Variants in SLA observed in about 807,000 individuals in gnomAD.
SLA encodes the protein Src like adaptor, also known as src-like-adapter.
SLA carries 16 observed loss-of-function variants against 30.3 expected under a neutral mutation model. The ratio of observed to expected loss-of-function variants is 0.53; its 90% CI spans 0.36 to 0.80. The LOEUF is 0.80. Ranked by LOEUF, SLA falls within the 30% of genes least tolerant of loss-of-function variation. The pLI, the probability that SLA is intolerant of heterozygous loss-of-function variation, is 0.01. For missense variants in SLA, 310 were observed against 345.2 expected, an observed-to-expected ratio of 0.90 and a Z score of 0.81; for synonymous variants, 143 against 137.8, an observed-to-expected ratio of 1.04 and a Z score of -0.26.
At chr8:133,094,430 T>C (rs989415046) in intron 1 of SLA, among the ~76,000 whole-genome samples, 4 of 151,954 alleles carry the variant, frequency 2.6e-5, no homozygotes, top group Admixed American at 6.6e-5. Flanking sequence ...TTAGTAGAGA[T>C]GGGGTTTCAC....
chr8:133,064,307 A>G (rs979560917), intron 2 of SLA: 3 of 152,236 alleles, frequency 2.0e-5, no homozygotes, highest in Non-Finnish European at 4.4e-5. Flanking sequence ...CGTTTTTCAA[A>G]TGAAGTCCTA....
chr8:133,101,739 C>A (rs1461316046), intron 1 of SLA, among the ~76,000 whole-genome samples: 12 of 152,244 alleles, frequency 7.9e-5, no homozygotes, highest in Non-Finnish European at 1.8e-4. Context: ...ACAAGGCAAA[C>A]AACTGAAACA....
rs538656738 is a variant in SLA, at chr8:133,038,287, C to T, written c.*237G>A. 3.3e-4 allele frequency: 187 copies of T among 560,614 alleles called. 4 individuals are homozygous for T. The South Asian group carries it at 3.4e-3, about 10-fold the overall frequency. 34.7% of individuals were successfully genotyped at this position (560,614 alleles called of 1,614,324 possible). ...ATGCTGGGCTCTTCCAAGCATCGCC[C>T]GACATGTCATGATCCAATGTTTCGT... On this transcript the variant is annotated 3_prime_UTR_variant, in exon 9 of 9. Transcript: ENST00000338087.
rs747745496 is a variant in SLA at position 133,096,365 on chromosome 8, G to C, written c.-319+6188C>G. 4 of 1,614,146 alleles carry C rather than the reference G, an allele frequency of 2.5e-6. No individual in the cohort carries two copies. The highest frequency in any genetic ancestry group is 3.4e-6 in the Non-Finnish European group (4 of 1,180,030). The stretch of plus-strand genomic sequence containing the variant: ...CGACGGGCTCATCAACAGAGCAAAG[G>C]CTGTGAAGGTAAGCAGGGAGGGGGC... On this transcript the variant is annotated intron_variant, in intron 1 of 8. Transcript: ENST00000338087.
chr8:133,043,421 G>A (rs1838700986), intron 7 of SLA, among the ~76,000 whole-genome samples: 1 of 152,156 alleles, frequency 6.6e-6, no homozygotes, highest in Non-Finnish European at 1.5e-5. Flanking sequence ...CTGTTTCCAG[G>A]ACTCCCTTCC....
intron 5 of SLA, 72 bp from the exon 6 acceptor site, chr8:133,048,005 C>A (rs909513918): frequency 1.2e-6 from 1 of 856,496 alleles, no homozygotes; most frequent in Non-Finnish European, 1.9e-6. Flanking sequence ...ATGCGCCACC[C>A]ACCGTACTAA....
rs376663317 is a variant in SLA, at chr8:133,085,596, T to C, written c.-318-10466A>G. Reference sequence around the variant, plus strand: ...AGATGTACAAATGGGCCCATAAGCATAGCAAAAGATTCTTAACACTATTAG... The same window carrying C: ...AGATGTACAAATGGGCCCATAAGCACAGCAAAAGATTCTTAACACTATTAG... On this transcript the variant is annotated intron_variant, in intron 1 of 8. Coordinates refer to ENST00000338087, the MANE Select transcript of SLA (RefSeq NM_001045556.3). Among the ~76,000 whole-genome samples the C allele has an allele frequency of 1.4e-4, 22 of 152,272 alleles. 1 individual carries two copies. Among genetic ancestry groups the C allele is most frequent in the African/African-American group, 5.3e-4 (22 of 41,562 alleles).
At chr8:133,060,472 T>G in intron 2 of SLA, 12 of 1,041,448 alleles carry the variant, frequency 1.2e-5, no homozygotes, top group African/African-American at 1.6e-5. Context: ...GCACCCTTGC[T>G]GAGGATGGTA....
chr8:133,060,658 G>T (rs1246403070), intron 2 of SLA, among the ~76,000 whole-genome samples: 1 of 152,196 alleles, frequency 6.6e-6, no homozygotes, highest in Non-Finnish European at 1.5e-5. Context: ...GCTACTTTTT[G>T]TCATCCTTTT....
rs1839046117 is a variant in SLA at position 133,045,018 on chromosome 8, G to A, written c.450C>T (p.Phe150=). 2 of 1,614,046 alleles carry A rather than the reference G, an allele frequency of 1.2e-6. No homozygotes were observed. The highest frequency in any genetic ancestry group is 2.7e-5 in the African/African-American group (2 of 74,944). ...GGTTCACCAGGTCCTCCAGGCACTG[G>A]AAGGTGAGCCTCGGGGAAATGTAGT... ...NWYYISPRLT[F]QCLEDLVNHY... is the part of the protein sequence containing the mutation. Residue 150 remains phenylalanine, a synonymous_variant, in exon 7 of 9, where the codon TTC becomes TTT. Transcript: ENST00000338087.
Position 133,065,489 on chromosome 8 carries a change from C to T in SLA, c.-40-5289G>A, listed in dbSNP as rs140810644. The stretch of plus-strand genomic sequence containing the variant: ...TTTTTAAAAGTTATCAGGCCGGGCG[C>T]GGTGGCTCACACCTGTGATCCTAGC... On this transcript the variant is annotated intron_variant, in intron 2 of 8. Transcript: ENST00000338087. 5.4e-4 allele frequency among the ~76,000 whole-genome samples: 82 copies of T among 152,272 alleles called. 2 individuals are homozygous for T. The East Asian group carries it at 0.015, about 29-fold the overall frequency.
At chr8:133,079,185 G>A (rs140026451) in intron 1 of SLA, among the ~76,000 whole-genome samples, 19 of 152,320 alleles carry the variant, frequency 1.2e-4, no homozygotes, top group Middle Eastern at 3.4e-3. Flanking sequence ...TGTACTGGCC[G>A]AATGACACTG....
chr8:133,099,133 A>C (rs1411183249), intron 1 of SLA, among the ~76,000 whole-genome samples: 1 of 152,246 alleles, frequency 6.6e-6, no homozygotes, highest in Non-Finnish European at 1.5e-5. Flanking sequence ...AGAAGCCAGC[A>C]TTGAAGTTGG....
intron 6 of SLA, 47 bp from the exon 7 acceptor site, chr8:133,045,162 C>G (rs1367845745): frequency 1.2e-6 from 2 of 1,607,286 alleles, no homozygotes; most frequent in Non-Finnish European, 1.7e-6. Context: ...TGTCCTCACC[C>G]CAAGGCACCC....
Position 133,047,938 on chromosome 8 carries a change from G to C in SLA, c.249-5C>G. The stretch of plus-strand genomic sequence containing the variant: ...CCCAGGCCCTCAAACAGCCAGCTGG[G>C]AAGGAGGAAGACAGCCATTAGGATC... On this transcript the variant is annotated splice_region_variant and splice_polypyrimidine_tract_variant and intron_variant, in intron 5 of 8. Coordinates refer to ENST00000338087, the MANE Select transcript of SLA (RefSeq NM_001045556.3). The C allele has an allele frequency of 6.3e-7, 1 of 1,580,772 alleles. No homozygotes were observed. Among genetic ancestry groups the C allele is most frequent in the Non-Finnish European group, 8.7e-7 (1 of 1,151,862 alleles).
chr8:133,101,153 A>G (rs748460624), intron 1 of SLA, among the ~76,000 whole-genome samples: 7 of 152,098 alleles, frequency 4.6e-5, no homozygotes, highest in South Asian at 2.1e-4. Context: ...GGGATGCGCT[A>G]TCACCACCTT....
chr8:133,069,385 G>A (rs368940748), intron 2 of SLA, among the ~76,000 whole-genome samples: 1 of 152,168 alleles, frequency 6.6e-6, no homozygotes, highest in South Asian at 2.1e-4. Flanking sequence ...CTTGTCCAGG[G>A]ACATGGACCC....
chr8:133,053,252 T>C (rs959618193), intron 3 of SLA, among the ~76,000 whole-genome samples: 5 of 152,200 alleles, frequency 3.3e-5, no homozygotes, highest in African/African-American at 9.6e-5. Flanking sequence ...TACCCCAGGT[T>C]GCATTTTCCC....
intron 2 of SLA, among the ~76,000 whole-genome samples, chr8:133,071,271 G>A (rs1026486204): frequency 2.6e-5 from 4 of 152,160 alleles, no homozygotes; most frequent in African/African-American, 4.8e-5. Flanking sequence ...TTGTCTAACC[G>A]GGGAAACCAA....
Sources: gnomAD v4.1 joint callset for allele counts (sites outside exome capture counted in the v4.1 genomes callset) on GRCh38, gnomAD v4.1.1 for gene constraint, MANE v1.5 for transcripts, NCBI Gene and HGNC (gene_info 2026-07-23, HGNC 2026-07-21) for gene names.